KPNA1: variants seen among roughly 807,000 people sequenced by gnomAD.
KPNA1 encodes the protein importin subunit alpha-5.
In KPNA1, 10 loss-of-function variants were observed where a neutral mutation model predicts 70.5. That is an observed-to-expected ratio of 0.14 (90% CI 0.09 to 0.24). The LOEUF is 0.24. KPNA1 is among the 10% of genes least tolerant of loss of function. The probability of loss-of-function intolerance (pLI) is 1.00; values close to 1 mark genes in which losing one functional copy is unlikely to be tolerated. For synonymous variants in KPNA1, 192 were observed against 221.9 expected, an observed-to-expected ratio of 0.87 and a Z score of 1.20; for missense variants, 397 against 637.9, an observed-to-expected ratio of 0.62 and a Z score of 4.07.
intron 2 of KPNA1, among the ~76,000 whole-genome samples, chr3:122,478,724 T>C (rs1197721887): frequency 7.3e-6 from 1 of 137,044 alleles, no homozygotes; most frequent in East Asian, 2.1e-4. Flanking sequence ...CGAGGCTTCA[T>C]CTAAAAAAAA....
rs145822158 is a variant in KPNA1 at position 122,465,674 on chromosome 3, G to A, written c.238-1633C>T. On this transcript the variant is annotated intron_variant, in intron 3 of 13. Coordinates refer to ENST00000344337, the MANE Select transcript of KPNA1 (RefSeq NM_002264.4). ...CCCAACACTTTGGGAAGCCAAGGCG[G>A]GTGGATCACGAGGTCAGGAGTTCAA... 5.6e-3 allele frequency among the ~76,000 whole-genome samples: 855 copies of A among 152,322 alleles called. 9 individuals are homozygous for A. Among genetic ancestry groups the A allele is most frequent in the Non-Finnish European group, 5.5e-3 (375 of 68,026 alleles).
intron 10 of KPNA1, among the ~76,000 whole-genome samples, chr3:122,437,900 T>C (rs951029144): frequency 6.6e-6 from 1 of 152,228 alleles, no homozygotes; most frequent in Non-Finnish European, 1.5e-5. Context: ...CAGAGATCTA[T>C]TCTAGAAACA....
In KPNA1 at chr3:122,427,084, G is replaced by A. The variant is rs149030683; in HGVS notation, c.1518C>T (p.Thr506=). 18 of 1,613,848 alleles carry A rather than the reference G, an allele frequency of 1.1e-5. 1 individual carries two copies. Among genetic ancestry groups the A allele is most frequent in the Admixed American group, 5.0e-5 (3 of 59,982 alleles). Reference sequence around the variant, plus strand: ...GTGCAATGCTGCTGTCTTCATCTTCGGTCCCGAAGTAATGCTCAATAAGAT... The same window carrying A: ...GTGCAATGCTGCTGTCTTCATCTTCAGTCCCGAAGTAATGCTCAATAAGAT... ...AFDLIEHYFG[T]EDEDSSIAPQ... is the part of the protein sequence containing the mutation. Residue 506 remains threonine, a synonymous_variant, in exon 14 of 14, where the codon ACC becomes ACT. Coordinates refer to ENST00000344337, the MANE Select transcript of KPNA1 (RefSeq NM_002264.4).
intron 2 of KPNA1, among the ~76,000 whole-genome samples, chr3:122,480,242 C>T (rs2076555330): frequency 6.6e-6 from 1 of 151,932 alleles, no homozygotes; most frequent in African/African-American, 2.4e-5. Flanking sequence ...CCACAGAATG[C>T]ACAACACCAG....
At chr3:122,461,742 C>G (rs1576309683) in intron 4 of KPNA1, among the ~76,000 whole-genome samples, 1 of 152,258 alleles carries the variant, frequency 6.6e-6, no homozygotes, top group Middle Eastern at 3.4e-3. Flanking sequence ...TCTCAATAGG[C>G]CTGCAGAATT....
intron 2 of KPNA1, among the ~76,000 whole-genome samples, chr3:122,469,321 C>G (rs780253907): frequency 4.6e-5 from 7 of 152,026 alleles, no homozygotes; most frequent in Non-Finnish European, 8.8e-5. Flanking sequence ...CAAACCTCCA[C>G]GAGCAGGAGA....
intron 12 of KPNA1, chr3:122,433,160 AG>A (rs1210046551): frequency 6.6e-6 from 1 of 152,402 alleles, no homozygotes; most frequent in African/African-American, 2.4e-5. Context: ...AGAATACCAT[AG>A]TACTTTAGAA....
intron 1 of KPNA1, among the ~76,000 whole-genome samples, chr3:122,505,274 C>CAAA (rs376502610): frequency 0.022 from 2,184 of 99,160 alleles, 64 homozygotes; most frequent in African/African-American, 0.057. Flanking sequence ...CTGCATGCCT[C>CAAA]AAAAAAAAAA....
chr3:122,435,905 G>A (rs1324026529), intron 11 of KPNA1, among the ~76,000 whole-genome samples: 1 of 152,078 alleles, frequency 6.6e-6, no homozygotes, highest in African/African-American at 2.4e-5. Context: ...TGGGCACCTT[G>A]AAAAAAGAAG....
At position 122,427,749 on chromosome 3, in the gene KPNA1, CTTTTAA is replaced by C. The variant is rs756132487; in HGVS notation, c.1251-39_1251-34del. 5 of 1,413,772 alleles carry C rather than the reference CTTTTAA, an allele frequency of 3.5e-6. No homozygotes were observed. The Admixed American group carries it at 1.1e-4, about 32-fold the overall frequency. The allele number at this position is 1,413,772 out of a possible 1,614,324, so 87.6% of individuals were successfully genotyped here. A position where few individuals can be genotyped will look rare whatever the true frequency, so the allele number is the denominator to read the frequency against. On this transcript the variant is annotated intron_variant, in intron 12 of 13. Coordinates refer to ENST00000344337, the MANE Select transcript of KPNA1 (RefSeq NM_002264.4). ...CAAAGAATAATGTAGTCAAACAAAA[CTTTTAA>C]TTTTGTTAAACTTATGAAATTAGTG...
intron 2 of KPNA1, among the ~76,000 whole-genome samples, chr3:122,480,625 G>A (rs752254870): frequency 9.9e-5 from 15 of 151,704 alleles, no homozygotes; most frequent in Middle Eastern, 3.4e-3. Context: ...AAAGACCATC[G>A]GAAACAGTAA....
rs146672167 is a variant in KPNA1, at chr3:122,441,341, G to A, written c.996+697C>T. On this transcript the variant is annotated intron_variant, in intron 10 of 13. Transcript: ENST00000344337. The stretch of plus-strand genomic sequence containing the variant: ...AGATGGTGACATTAGAAAGTAGGAG[G>A]GAAGAATCTTCCTCACACAGGGGAC... Among the ~76,000 whole-genome samples, 29 of 152,048 alleles carry A rather than the reference G, an allele frequency of 1.9e-4. No individual in the cohort carries two copies. In the East Asian group the frequency reaches 4.3e-3, roughly 22 times the overall value.
chr3:122,496,676 G>T, intron 1 of KPNA1, 106 bp from the exon 2 acceptor site: 1 of 1,050,266 alleles, frequency 9.5e-7, no homozygotes. Flanking sequence ...ATCCCAAAGG[G>T]ACATCAGAAA....
At chr3:122,452,306 C>T (rs1486860316) in intron 6 of KPNA1, among the ~76,000 whole-genome samples, 5 of 151,770 alleles carry the variant, frequency 3.3e-5, no homozygotes, top group African/African-American at 7.3e-5. Context: ...CTCGCTCTGT[C>T]ACCCAGTATG....
rs757709546 is a variant in KPNA1 at position 122,451,988 on chromosome 3, G to T, written c.641C>A (p.Pro214His). Residue 214 changes from proline to histidine, a missense_variant, in exon 7 of 14, where the codon CCC (proline) becomes CAC (histidine). Pro to His is a moderately conservative substitution (Grantham distance 77). Coordinates refer to ENST00000344337, the MANE Select transcript of KPNA1 (RefSeq NM_002264.4). ...RDYVLDCNILPPLLQLFSKQN... is the reference protein window; with the variant it reads ...RDYVLDCNILHPLLQLFSKQN... ...AGAAGAAACTTACTGCAAAAGAGGGGGAAGGATATTGCAGTCTAAGACATA... is the reference window on the plus strand; with the variant it reads ...AGAAGAAACTTACTGCAAAAGAGGGTGAAGGATATTGCAGTCTAAGACATA... 3 of 1,592,732 alleles carry T rather than the reference G, an allele frequency of 1.9e-6. No homozygotes were observed. The highest frequency in any genetic ancestry group is 2.6e-6 in the Non-Finnish European group (3 of 1,168,356).
chr3:122,502,207 G>C (rs1559762380), intron 1 of KPNA1, among the ~76,000 whole-genome samples: 1 of 152,156 alleles, frequency 6.6e-6, no homozygotes, highest in Non-Finnish European at 1.5e-5. Context: ...GATAGAGCTA[G>C]GATATGAACA....
At chr3:122,429,338 C>T (rs2075866328) in intron 12 of KPNA1, among the ~76,000 whole-genome samples, 1 of 149,698 alleles carries the variant, frequency 6.7e-6, no homozygotes, top group Non-Finnish European at 1.5e-5. Flanking sequence ...GTATTCCCAG[C>T]TACTTGGGAG....
chr3:122,491,850 A>ATT (rs67916227), intron 2 of KPNA1, among the ~76,000 whole-genome samples: 1,213 of 64,922 alleles, frequency 0.019, 117 homozygotes, highest in Non-Finnish European at 0.02. Context: ...TGACCATCAC[A>ATT]TTTTTTTTTT....
chr3:122,460,041 T>C, intron 5 of KPNA1: 1 of 985,372 alleles, frequency 1.0e-6, no homozygotes, highest in Non-Finnish European at 1.2e-6. Context: ...ATTAACTAGT[T>C]TTTGGCAAAT....
Sources: gnomAD v4.1 joint callset for allele counts (sites outside exome capture counted in the v4.1 genomes callset) on GRCh38, gnomAD v4.1.1 for gene constraint, MANE v1.5 for transcripts, NCBI Gene and HGNC (gene_info 2026-07-23, HGNC 2026-07-21) for gene names.